RPS6KC1: variants seen among roughly 807,000 people sequenced by gnomAD.
The protein encoded by RPS6KC1 is inactive ribosomal protein S6 kinase delta-1.
Under a neutral mutation model 103.8 loss-of-function variants are expected in RPS6KC1, and 54 were observed. That is an observed-to-expected ratio of 0.52 (90% CI 0.42 to 0.65). RPS6KC1 has a LOEUF of 0.65. Ranked by LOEUF, RPS6KC1 falls within the 30% of genes least tolerant of loss-of-function variation. The pLI, the probability that RPS6KC1 is intolerant of heterozygous loss-of-function variation, is 0.00. For synonymous variants in RPS6KC1, 439 were observed against 438.7 expected, an observed-to-expected ratio of 1.00 and a Z score of -0.01; for missense variants, 1,151 against 1,253.8, an observed-to-expected ratio of 0.92 and a Z score of 1.24.
At chr1:213,838,330 C>T in the RPS6KC1 span, among the ~76,000 whole-genome samples, 9 of 152,084 alleles carry the variant, frequency 5.9e-5, no homozygotes, top group Non-Finnish European at 1.2e-4. Context: ...ATATTTCAAG[C>T]CAAGAAGACC....
intron 6 of RPS6KC1, among the ~76,000 whole-genome samples, chr1:213,144,613 A>G (rs2087503448): frequency 6.6e-6 from 1 of 152,000 alleles, no homozygotes; most frequent in South Asian, 2.1e-4. Flanking sequence ...TGATCTTTAA[A>G]TGCTGAAATT....
At chr1:213,787,259 T>C in the RPS6KC1 span, among the ~76,000 whole-genome samples, 2 of 151,806 alleles carry the variant, frequency 1.3e-5, no homozygotes, top group Non-Finnish European at 1.5e-5. Flanking sequence ...CCAGGATAGA[T>C]AGAATATAGT....
chr1:213,469,509 C>G, the RPS6KC1 span, among the ~76,000 whole-genome samples: 1 of 152,240 alleles, frequency 6.6e-6, no homozygotes, highest in African/African-American at 2.4e-5. Context: ...GCCCAGGGTA[C>G]ACATGGAAGG....
chr1:213,203,779 A>T (rs1212973624), intron 8 of RPS6KC1, among the ~76,000 whole-genome samples: 2 of 152,226 alleles, frequency 1.3e-5, no homozygotes, highest in Non-Finnish European at 2.9e-5. Context: ...TTCTTTCTGC[A>T]CATATATACA....
chr1:213,811,040 C>T, the RPS6KC1 span, among the ~76,000 whole-genome samples: 1 of 152,248 alleles, frequency 6.6e-6, no homozygotes, highest in Admixed American at 6.5e-5. Context: ...CAAAATAGTC[C>T]CCATGCCTGA....
chr1:213,098,440 C>T (rs1214307250), intron 3 of RPS6KC1, among the ~76,000 whole-genome samples: 1 of 151,916 alleles, frequency 6.6e-6, no homozygotes, highest in Non-Finnish European at 1.5e-5. Context: ...CTGCACCCTG[C>T]CTTATTTCCA....
intron 2 of RPS6KC1, among the ~76,000 whole-genome samples, chr1:213,074,258 T>G (rs189801248): frequency 1.3e-5 from 2 of 152,324 alleles, no homozygotes; most frequent in East Asian, 3.9e-4. Context: ...TTTTTAAAAT[T>G]AAGCTTTTAT....
At chr1:213,736,010 G>A in the RPS6KC1 span, among the ~76,000 whole-genome samples, 3 of 152,138 alleles carry the variant, frequency 2.0e-5, no homozygotes, top group Non-Finnish European at 4.4e-5. Context: ...CTTAACACCC[G>A]CTGGCTCTGC....
At chr1:213,819,184 A>G in the RPS6KC1 span, 1 of 152,242 alleles carries the variant, frequency 6.6e-6, no homozygotes, top group African/African-American at 2.4e-5. Context: ...AGGCTCAATC[A>G]AGGAATGAAA....
the RPS6KC1 span, among the ~76,000 whole-genome samples, chr1:213,511,600 G>A: frequency 8.1e-4 from 124 of 152,228 alleles, no homozygotes; most frequent in East Asian, 4.6e-3. Flanking sequence ...CAATAAGGCC[G>A]GTATAATCCA....
chr1:213,260,677 A>G (rs1473403002), intron 12 of RPS6KC1, among the ~76,000 whole-genome samples: 4 of 151,382 alleles, frequency 2.6e-5, no homozygotes, highest in Admixed American at 6.6e-5. Flanking sequence ...TTGGAAATGA[A>G]AGGGCAGGTA....
chr1:213,278,726 A>G (rs1241413171), downstream of RPS6KC1, among the ~76,000 whole-genome samples: 1 of 152,206 alleles, frequency 6.6e-6, no homozygotes, highest in African/African-American at 2.4e-5. Context: ...GGGGAAAGAA[A>G]GAAGCATAAA....
chr1:213,063,865 A>G (rs1269060977), intron 1 of RPS6KC1, among the ~76,000 whole-genome samples: 1 of 152,038 alleles, frequency 6.6e-6, no homozygotes, highest in Non-Finnish European at 1.5e-5. Flanking sequence ...TCCATGTAAC[A>G]TGTTTTGTGA....
the RPS6KC1 span, among the ~76,000 whole-genome samples, chr1:213,381,485 GGAGA>G: frequency 6.6e-6 from 1 of 151,732 alleles, no homozygotes; most frequent in Non-Finnish European, 1.5e-5. Flanking sequence ...GGGCAGGAGA[GGAGA>G]GAGAGAGAGG....
chr1:213,168,323 T>A (rs1252085577), intron 7 of RPS6KC1, among the ~76,000 whole-genome samples: 1 of 152,240 alleles, frequency 6.6e-6, no homozygotes, highest in Non-Finnish European at 1.5e-5. Flanking sequence ...TATTGATTCA[T>A]GTTAAAACTA....
At chr1:213,550,671 T>C in the RPS6KC1 span, among the ~76,000 whole-genome samples, 1 of 152,224 alleles carries the variant, frequency 6.6e-6, no homozygotes, top group East Asian at 1.9e-4. Flanking sequence ...TTTGGACAGC[T>C]CGATTTGTTA....
At chr1:213,657,021 G>A in the RPS6KC1 span, among the ~76,000 whole-genome samples, 6 of 152,104 alleles carry the variant, frequency 3.9e-5, no homozygotes, top group Non-Finnish European at 7.4e-5. Context: ...AGGTGAAACC[G>A]TGTGGGCTGA....
chr1:213,513,420 T>C, the RPS6KC1 span, among the ~76,000 whole-genome samples: 1 of 151,958 alleles, frequency 6.6e-6, no homozygotes, highest in Non-Finnish European at 1.5e-5. Flanking sequence ...ATTAATATAG[T>C]ACCCAAGGTG....
At chr1:213,528,326 A>T in the RPS6KC1 span, among the ~76,000 whole-genome samples, 1 of 152,208 alleles carries the variant, frequency 6.6e-6, no homozygotes, top group African/African-American at 2.4e-5. Flanking sequence ...TAAAACCATC[A>T]GATCTTGTGA....
Sources: gnomAD v4.1 joint callset for allele counts (sites outside exome capture counted in the v4.1 genomes callset) on GRCh38, gnomAD v4.1.1 for gene constraint, MANE v1.5 for transcripts, NCBI Gene and HGNC (gene_info 2026-07-23, HGNC 2026-07-21) for gene names.